P2RX5: variants seen among roughly 807,000 people sequenced by gnomAD.
P2RX5 encodes P2X purinoceptor 5.
Under a neutral mutation model 54.1 loss-of-function variants are expected in P2RX5, and 46 were observed. The ratio of observed to expected loss-of-function variants is 0.85; its 90% confidence interval spans 0.67 to 1.09. The LOEUF (loss-of-function observed/expected upper bound fraction) is 1.09, where lower values mean the gene tolerates loss of function less well. Ranked by LOEUF, P2RX5 falls within the 50% of genes least tolerant of loss-of-function variation. The probability of loss-of-function intolerance (pLI) is 0.00; values close to 1 mark genes in which losing one functional copy is unlikely to be tolerated. For missense variants in P2RX5, 566 were observed against 549.8 expected (o/e 1.03, Z -0.29); for synonymous variants, 226 against 226.4 (o/e 1.00, Z 0.02).
At chr17:3,703,320 C>T in the P2RX5 span, among the ~76,000 whole-genome samples, 5 of 151,984 alleles carry the variant, frequency 3.3e-5, no homozygotes, top group Admixed American at 1.3e-4. Context: ...GCGTGGACAA[C>T]GAAGTGAGAC....
At chr17:3,694,675 G>A (rs927900251) in intron 1 of P2RX5, among the ~76,000 whole-genome samples, 1 of 152,142 alleles carries the variant, frequency 6.6e-6, no homozygotes, top group Non-Finnish European at 1.5e-5. Flanking sequence ...AGGACTGCGA[G>A]AATTAAATTT....
chr17:3,688,874 A>G (rs2050523083), intron 7 of P2RX5, 115 bp from the exon 8 acceptor site: 2 of 1,177,896 alleles, frequency 1.7e-6, no homozygotes, highest in Non-Finnish European at 2.5e-6. Flanking sequence ...GCACGAGGTC[A>G]GCCCCTCGAG....
At chr17:3,684,835 CTTTTTTTTTTTTTTT>C (rs138123642) in intron 9 of P2RX5, among the ~76,000 whole-genome samples, 1 of 86,706 alleles carries the variant, frequency 1.2e-5, no homozygotes, top group Non-Finnish European at 2.3e-5. Flanking sequence ...ATCCTGCCCC[CTTTTTTTTTTTTTTT>C]TTTTTTTTTT....
At chr17:3,718,730 A>G in the P2RX5 span, among the ~76,000 whole-genome samples, 1 of 152,238 alleles carries the variant, frequency 6.6e-6, no homozygotes, top group Non-Finnish European at 1.5e-5. Context: ...ATGTGCACAT[A>G]AGAAACTTAA....
the P2RX5 span, among the ~76,000 whole-genome samples, chr17:3,713,864 A>G: frequency 1.3e-5 from 2 of 152,240 alleles, no homozygotes; most frequent in Admixed American, 6.5e-5. Context: ...TGTTTAAATT[A>G]AAACCCCAAA....
At chr17:3,693,088 C>T (rs1567739995) in intron 1 of P2RX5, among the ~76,000 whole-genome samples, 1 of 89,224 alleles carries the variant, frequency 1.1e-5, no homozygotes, top group Non-Finnish European at 2.3e-5. Flanking sequence ...CCAAATAATC[C>T]AATTTAAAAA....
chr17:3,682,979 T>A (rs1236864537), intron 9 of P2RX5: 5 of 152,090 alleles, frequency 3.3e-5, no homozygotes, highest in Non-Finnish European at 7.3e-5. Context: ...TGAGCCAAGA[T>A]CGCACCACTG....
At chr17:3,709,416 G>A in the P2RX5 span, among the ~76,000 whole-genome samples, 59 of 152,260 alleles carry the variant, frequency 3.9e-4, no homozygotes, top group African/African-American at 1.2e-3. Context: ...CAAGTCAACC[G>A]AAGTTGGGAA....
chr17:3,704,504 C>T, the P2RX5 span, among the ~76,000 whole-genome samples: 4 of 152,306 alleles, frequency 2.6e-5, no homozygotes, highest in South Asian at 2.1e-4. Flanking sequence ...GCATTATTAA[C>T]GCCATGTAAA....
the P2RX5 span, among the ~76,000 whole-genome samples, chr17:3,719,250 A>G: frequency 2.1e-5 from 3 of 146,162 alleles, no homozygotes; most frequent in East Asian, 6.1e-4. Context: ...AAAAAAAAAA[A>G]AAAAAAGAAA....
chr17:3,680,057 C>G (rs1359422824), intron 10 of P2RX5, among the ~76,000 whole-genome samples: 1 of 150,532 alleles, frequency 6.6e-6, no homozygotes, highest in Non-Finnish European at 1.5e-5. Context: ...ACATCCTCCA[C>G]CCTGCATCCT....
chr17:3,680,468 T>C (rs865920562), intron 10 of P2RX5, among the ~76,000 whole-genome samples: 116 of 30,736 alleles, frequency 3.8e-3, no homozygotes, highest in African/African-American at 0.012. Context: ...CTCCACCCAG[T>C]GTCCTCCACC....
chr17:3,696,258 C>T (rs1488373495), upstream of P2RX5: 17 of 290,862 alleles, frequency 5.8e-5, no homozygotes, highest in Non-Finnish European at 1.1e-4. Flanking sequence ...GACCTTGCCG[C>T]TACCTCTTCT....
At chr17:3,685,706 CCAACGT>C (rs2050438493) in intron 9 of P2RX5, 3 of 37,974 alleles carry the variant, frequency 7.9e-5, no homozygotes, top group Admixed American at 4.3e-4. Context: ...AGGGACCCTC[CCAACGT>C]CCCCCTCCCA....
At chr17:3,712,202 A>G in the P2RX5 span, among the ~76,000 whole-genome samples, 59,852 of 152,162 alleles carry the variant, frequency 0.39, 13,683 homozygotes, top group South Asian at 0.59. Context: ...AGTTACAAGG[A>G]AGGGGAAAAG....
intron 1 of P2RX5, chr17:3,692,025 G>A (rs1194121695): frequency 3.6e-6 from 2 of 562,046 alleles, no homozygotes; most frequent in East Asian, 3.1e-5. Context: ...TGGGGGCCCT[G>A]AAGAGGCAAA....
At chr17:3,707,331 A>G in the P2RX5 span, among the ~76,000 whole-genome samples, 1 of 152,210 alleles carries the variant, frequency 6.6e-6, no homozygotes, top group African/African-American at 2.4e-5. Flanking sequence ...TCTACAGCCC[A>G]CCGAACAGTC....
intron 11 of P2RX5, chr17:3,676,491 A>G (rs1008322447): frequency 1.8e-4 from 175 of 984,276 alleles, no homozygotes; most frequent in Non-Finnish European, 2.1e-4. Flanking sequence ...TACCCAGTCA[A>G]AATATTGTAA....
At chr17:3,714,957 G>T in the P2RX5 span, 5 of 1,522,856 alleles carry the variant, frequency 3.3e-6, no homozygotes, top group Admixed American at 1.7e-5. Flanking sequence ...AACAAAGGAA[G>T]GAAAAGTCCA....
Sources: allele counts gnomAD v4.1 joint callset (sites outside exome capture counted in the v4.1 genomes callset), GRCh38; gene constraint gnomAD v4.1.1; transcripts MANE v1.5; gene names NCBI Gene and HGNC (gene_info 2026-07-23, HGNC 2026-07-21).